The following SGCD variants were observed in gnomAD, a reference collection of about 807,000 sequenced individuals.
SGCD encodes sarcoglycan delta.
A neutral mutation model predicts 36.6 loss-of-function variants in SGCD; 18 were observed. The observed-to-expected ratio is 0.49, with a 90% confidence interval of 0.34 to 0.73. SGCD has a LOEUF of 0.73. Ranked by LOEUF, SGCD falls within the 30% of genes least tolerant of loss-of-function variation. The probability of loss-of-function intolerance (pLI) is 0.01; values close to 1 mark genes in which losing one functional copy is unlikely to be tolerated. For missense variants in SGCD, 387 were observed against 346.7 expected, an observed-to-expected ratio of 1.12 and a Z score of -0.92; for synonymous variants, 133 against 130.6, an observed-to-expected ratio of 1.02 and a Z score of -0.12.
chr5:156,613,033 C>T (rs1166580732), intron 6 of SGCD, among the ~76,000 whole-genome samples: 1 of 152,138 alleles, frequency 6.6e-6, no homozygotes, highest in East Asian at 1.9e-4. Flanking sequence ...GCAAGTTAAT[C>T]CCAGTAGAGG....
intron 1 of SGCD, among the ~76,000 whole-genome samples, chr5:156,100,319 G>C (rs935874768): frequency 2.0e-5 from 3 of 152,044 alleles, no homozygotes; most frequent in African/African-American, 7.2e-5. Context: ...CCATCTAAAG[G>C]CATATGGTGT....
At chr5:155,980,674 C>T (rs564191822) in intron 1 of SGCD, among the ~76,000 whole-genome samples, 24 of 140,354 alleles carry the variant, frequency 1.7e-4, no homozygotes, top group Admixed American at 5.1e-4. Context: ...TCTGGAAGGC[C>T]GCTTAGTACA....
At chr5:156,033,060 G>C (rs1208080293) in intron 1 of SGCD, among the ~76,000 whole-genome samples, 1 of 151,916 alleles carries the variant, frequency 6.6e-6, no homozygotes, top group Non-Finnish European at 1.5e-5. Context: ...CTGGGAGACA[G>C]AGTGAGACAT....
At chr5:155,981,653 C>T (rs1473434642) in intron 1 of SGCD, among the ~76,000 whole-genome samples, 3 of 152,132 alleles carry the variant, frequency 2.0e-5, no homozygotes, top group Non-Finnish European at 4.4e-5. Flanking sequence ...TCCCTACCAC[C>T]TCCCTTCACC....
At chr5:156,091,733 G>C (rs1401340387) in intron 1 of SGCD, among the ~76,000 whole-genome samples, 1 of 152,188 alleles carries the variant, frequency 6.6e-6, no homozygotes, top group Non-Finnish European at 1.5e-5. Flanking sequence ...AAAGAAGATG[G>C]TCTGGTATTC....
At chr5:156,425,984 A>G (rs1281559079) in intron 3 of SGCD, among the ~76,000 whole-genome samples, 1 of 152,004 alleles carries the variant, frequency 6.6e-6, no homozygotes, top group African/African-American at 2.4e-5. Flanking sequence ...CGTTGGTTTC[A>G]TATTTTTGCA....
chr5:156,736,911 G>A (rs1184253459), intron 7 of SGCD, among the ~76,000 whole-genome samples: 2 of 152,004 alleles, frequency 1.3e-5, no homozygotes, highest in Admixed American at 1.3e-4. Flanking sequence ...ACACCAGAAC[G>A]ACCTCCATAT....
intron 3 of SGCD, among the ~76,000 whole-genome samples, chr5:156,446,701 T>A (rs1034235615): frequency 2.0e-5 from 3 of 152,120 alleles, no homozygotes; most frequent in Non-Finnish European, 2.9e-5. Context: ...AAAGGTGGGC[T>A]GGGTAGGAAT....
chr5:155,847,028 T>C, the SGCD span, among the ~76,000 whole-genome samples: 1 of 152,144 alleles, frequency 6.6e-6, no homozygotes, highest in Non-Finnish European at 1.5e-5. Context: ...TGTGGAAAAA[T>C]TCATAATACC....
Position 155,896,756 on chromosome 5 carries a change from A to G in SGCD, c.-282+26332A>G, listed in dbSNP as rs144181926. ...TGCTCTCTGGCTCTCAAGGTTCTGC[A>G]GAGTTGCCTCAAGGATCACCATACT... On this transcript the variant is annotated intron_variant, in intron 1 of 9. Coordinates refer to the SGCD transcript ENST00000517913. Among the ~76,000 whole-genome samples the G allele has an allele frequency of 1.6e-3, 248 of 152,302 alleles. 3 individuals carry two copies. The highest frequency in any genetic ancestry group is 2.7e-3 in the Admixed American group (41 of 15,300).
At chr5:156,717,438 A>G (rs1285088217) in intron 7 of SGCD, among the ~76,000 whole-genome samples, 1 of 152,176 alleles carries the variant, frequency 6.6e-6, no homozygotes, top group Non-Finnish European at 1.5e-5. Context: ...TTCTCCCTGC[A>G]GTGCCTTGTC....
At chr5:155,835,694 T>C in the SGCD span, among the ~76,000 whole-genome samples, 1 of 152,232 alleles carries the variant, frequency 6.6e-6, no homozygotes, top group Admixed American at 6.5e-5. Context: ...ATTTTTTTCT[T>C]GATAATCATT....
At chr5:156,456,234 T>C (rs1754252870) in intron 3 of SGCD, among the ~76,000 whole-genome samples, 1 of 152,162 alleles carries the variant, frequency 6.6e-6, no homozygotes, top group Admixed American at 6.5e-5. Flanking sequence ...AGGAAAAGCC[T>C]CCTTGAATGT....
chr5:156,002,134 G>A (rs553562748), intron 1 of SGCD, among the ~76,000 whole-genome samples: 6 of 152,150 alleles, frequency 3.9e-5, no homozygotes, highest in Non-Finnish European at 8.8e-5. Context: ...TTTGGAGCTC[G>A]CGTCTTTAAA....
chr5:156,142,713 C>T lies in SGCD; in HGVS notation c.-44+18694C>T, dbSNP rs540077331. On this transcript the variant is annotated intron_variant, in intron 3 of 9. Coordinates refer to the SGCD transcript ENST00000517913. ...TTTGACAGTGATGATTTAGGGTATCCGGTGGATGAAATTTCTAAGCAGCAA... is the reference window on the plus strand; with the variant it reads ...TTTGACAGTGATGATTTAGGGTATCTGGTGGATGAAATTTCTAAGCAGCAA... Among the ~76,000 whole-genome samples, 7 of 152,188 alleles carry T rather than the reference C, an allele frequency of 4.6e-5. No homozygotes were observed. The Middle Eastern group carries it at 0.01, about 222-fold the overall frequency.
intron 6 of SGCD, among the ~76,000 whole-genome samples, chr5:156,608,631 G>A (rs1159072986): frequency 5.3e-5 from 8 of 152,164 alleles, no homozygotes; most frequent in South Asian, 4.1e-4. Flanking sequence ...TCTGTCTAAT[G>A]TTGACAGTGG....
chr5:155,825,942 G>C, the SGCD span, among the ~76,000 whole-genome samples: 1 of 152,004 alleles, frequency 6.6e-6, no homozygotes, highest in African/African-American at 2.4e-5. Flanking sequence ...AGAGATGGGG[G>C]TTTCACCATG....
chr5:156,512,191 CAAAAAAAA>C (rs759345867), intron 4 of SGCD, among the ~76,000 whole-genome samples: 6 of 66,898 alleles, frequency 9.0e-5, no homozygotes, highest in African/African-American at 1.8e-4. Flanking sequence ...GACTCTGTCT[CAAAAAAAA>C]AAAAAAAAAA....
intron 6 of SGCD, among the ~76,000 whole-genome samples, chr5:156,629,737 A>G (rs1253389211): frequency 6.6e-6 from 1 of 152,226 alleles, no homozygotes; most frequent in Non-Finnish European, 1.5e-5. Flanking sequence ...TAGGTAATCA[A>G]ATGAATATGG....
Sources: gnomAD v4.1 joint callset for allele counts (sites outside exome capture counted in the v4.1 genomes callset) on GRCh38, gnomAD v4.1.1 for gene constraint, MANE v1.5 for transcripts, NCBI Gene and HGNC (gene_info 2026-07-23, HGNC 2026-07-21) for gene names.